Variants in ERAP1 observed in about 807,000 individuals in gnomAD.
ERAP1 encodes adipocyte-derived leucine aminopeptidase.
ERAP1 carries 86 observed loss-of-function variants against 103.7 expected under a neutral mutation model. The ratio of observed to expected loss-of-function variants is 0.83; its 90% CI spans 0.70 to 0.99. The LOEUF (loss-of-function observed/expected upper bound fraction) is 0.99, where lower values mean the gene tolerates loss of function less well. Among genes scored for constraint, ERAP1 ranks in the 50% least tolerant of loss-of-function variants. The pLI, the probability that ERAP1 is intolerant of heterozygous loss-of-function variation, is 0.00. For synonymous variants in ERAP1, 398 were observed against 402.4 expected (o/e 0.99, Z 0.13); for missense variants, 1,009 against 1,128.4 (o/e 0.89, Z 1.52).
upstream of ERAP1, among the ~76,000 whole-genome samples, chr5:96,812,688 A>G (rs182089022): frequency 4.3e-4 from 65 of 152,374 alleles, no homozygotes; most frequent in Non-Finnish European, 8.5e-4. Flanking sequence ...TAGAAGGTTA[A>G]TGGATTTTAT....
the ERAP1 span, chr5:96,912,872 C>T: frequency 7.8e-7 from 1 of 1,279,740 alleles, no homozygotes; most frequent in Non-Finnish European, 1.1e-6. Flanking sequence ...AAACTTCAGC[C>T]ACCAGTTTTA....
the ERAP1 span, among the ~76,000 whole-genome samples, chr5:96,901,265 C>T: frequency 6.6e-6 from 1 of 152,106 alleles, no homozygotes; most frequent in East Asian, 1.9e-4. Flanking sequence ...CTGGCTTTTC[C>T]TGCCATGTAT....
At chr5:96,900,423 T>G in the ERAP1 span, among the ~76,000 whole-genome samples, 1 of 152,198 alleles carries the variant, frequency 6.6e-6, no homozygotes, top group Non-Finnish European at 1.5e-5. Context: ...ACCCCACTGC[T>G]AGCTAAAAAT....
At chr5:96,805,617 A>C (rs1247906018) in intron 1 of ERAP1, 1 of 152,264 alleles carries the variant, frequency 6.6e-6, no homozygotes, top group Non-Finnish European at 1.5e-5. Context: ...GAGTCTTGGA[A>C]ATCTCATAAT....
chr5:96,869,977 AG>A, the ERAP1 span, among the ~76,000 whole-genome samples: 1 of 152,256 alleles, frequency 6.6e-6, no homozygotes, highest in South Asian at 2.1e-4. Flanking sequence ...AAAGCATAAA[AG>A]TCTAAAAAGA....
At chr5:96,911,928 G>A in the ERAP1 span, among the ~76,000 whole-genome samples, 2 of 149,750 alleles carry the variant, frequency 1.3e-5, no homozygotes, top group Admixed American at 6.6e-5. Flanking sequence ...GGTGGCTCAC[G>A]CCTGTAATCC....
At chr5:96,797,358 A>C in intron 3 of ERAP1, 49 bp from the exon 4 acceptor site, 1 of 1,586,998 alleles carries the variant, frequency 6.3e-7, no homozygotes, top group African/African-American at 1.3e-5. Context: ...TATCCAATAC[A>C]GTGAACATGA....
the ERAP1 span, chr5:96,909,147 G>A: frequency 3.1e-6 from 5 of 1,593,620 alleles, no homozygotes; most frequent in Non-Finnish European, 4.3e-6. Flanking sequence ...AATGTATTAA[G>A]TAAATACACA....
At chr5:96,884,018 A>G in the ERAP1 span, 2 of 1,291,262 alleles carry the variant, frequency 1.5e-6, no homozygotes, top group Non-Finnish European at 2.1e-6. Context: ...TCAGGATTTC[A>G]GCCATTAATT....
rs559935990 is a variant in ERAP1 at position 96,803,644 on chromosome 5, G to A, written c.283C>T (p.Leu95=). Reference sequence around the variant, plus strand: ...GATATCTGCAGGTGGTGACTATGCAGGATGATGGTGCTGGTGGGCTGACTG... The same window carrying A: ...GATATCTGCAGGTGGTGACTATGCAAGATGATGGTGCTGGTGGGCTGACTG... ...TASQPTSTII[L]HSHHLQISRA... The change falls in exon 2 of 19, where the codon CTG becomes TTG. Residue 95 remains leucine, a synonymous_variant. Coordinates refer to ENST00000443439, the MANE Select transcript of ERAP1 (RefSeq NM_001040458.3). 8 of 1,614,124 alleles carry A rather than the reference G, an allele frequency of 5.0e-6. No homozygotes were observed. Among genetic ancestry groups the A allele is most frequent in the Non-Finnish European group, 6.8e-6 (8 of 1,180,050 alleles).
chr5:96,917,297 T>G, the ERAP1 span, among the ~76,000 whole-genome samples: 7 of 152,072 alleles, frequency 4.6e-5, no homozygotes, highest in Non-Finnish European at 8.8e-5. Flanking sequence ...TGTTGTTATT[T>G]TTTGTAGAGT....
chr5:96,806,623 C>CT (rs75649816), intron 1 of ERAP1, among the ~76,000 whole-genome samples: 7,918 of 126,978 alleles, frequency 0.062, 321 homozygotes, highest in South Asian at 0.095. Context: ...CAAGATCCCT[C>CT]TTTTTTTTTT....
the ERAP1 span, chr5:96,876,485 A>T: frequency 6.6e-6 from 1 of 152,384 alleles, no homozygotes; most frequent in Non-Finnish European, 1.5e-5. Flanking sequence ...TGAAAGCAAA[A>T]GTAAATTCCC....
chr5:96,886,461 A>G, the ERAP1 span, among the ~76,000 whole-genome samples: 1 of 152,208 alleles, frequency 6.6e-6, no homozygotes, highest in Non-Finnish European at 1.5e-5. Context: ...TTTGTTTTCA[A>G]CAGAGTGTTG....
At chr5:96,866,526 A>AT in the ERAP1 span, among the ~76,000 whole-genome samples, 1 of 152,218 alleles carries the variant, frequency 6.6e-6, no homozygotes, top group Non-Finnish European at 1.5e-5. Flanking sequence ...AACCCGGTTG[A>AT]TACGCCATCC....
chr5:96,895,944 T>C, the ERAP1 span, among the ~76,000 whole-genome samples: 2 of 152,228 alleles, frequency 1.3e-5, no homozygotes, highest in African/African-American at 2.4e-5. Context: ...TAGGCTCTTC[T>C]TGTTACTGTG....
rs1366873123 is a variant in ERAP1, at chr5:96,807,847, G to C, written c.-18+13C>G. The C allele has an allele frequency of 4.1e-6, 4 of 985,696 alleles. No homozygotes were observed. The South Asian group carries it at 1.4e-4, about 35-fold the overall frequency. 61.1% of individuals were successfully genotyped at this position (985,696 alleles called of 1,614,324 possible). On this transcript the variant is annotated intron_variant, in intron 1 of 18. Transcript: ENST00000443439. ...GCCCGCAGTCCCCTACCCGCGGCTC[G>C]AGCGCGCTGTACCTGGGGTTCTGGG...
chr5:96,778,806 A>C, intron 18 of ERAP1, among the ~76,000 whole-genome samples: 1 of 152,200 alleles, frequency 6.6e-6, no homozygotes, highest in East Asian at 1.9e-4. Context: ...AAGAGCAGAG[A>C]GAAGTGCGCA....
chr5:96,896,971 C>A, the ERAP1 span: 1 of 396,076 alleles, frequency 2.5e-6, no homozygotes, highest in Non-Finnish European at 3.5e-6. Context: ...CATATTTATT[C>A]TGCTTGCTAT....
Sources: gnomAD v4.1 joint callset for allele counts (sites outside exome capture counted in the v4.1 genomes callset) on GRCh38, gnomAD v4.1.1 for gene constraint, MANE v1.5 for transcripts, NCBI Gene and HGNC (gene_info 2026-07-23, HGNC 2026-07-21) for gene names.